NBEA: variants seen among roughly 807,000 people sequenced by gnomAD.
NBEA encodes the protein neurobeachin.
In NBEA, 44 loss-of-function variants were observed where a neutral mutation model predicts 343.4. That is an observed-to-expected ratio of 0.13 (90% CI 0.10 to 0.16). The LOEUF is 0.16. Among genes scored for constraint, NBEA ranks in the 10% least tolerant of loss-of-function variants. The pLI is 1.00. For missense variants in NBEA, 2,555 were observed against 3,631.3 expected (o/e 0.70, Z 7.62); for synonymous variants, 1,175 against 1,238.7 (o/e 0.95, Z 1.08).
chr13:35,544,120 C>G (rs1405124105), intron 41 of NBEA, among the ~76,000 whole-genome samples: 1 of 152,144 alleles, frequency 6.6e-6, no homozygotes, highest in Non-Finnish European at 1.5e-5. Flanking sequence ...GGATTTGTAA[C>G]TTTAAATTGC....
intron 1 of NBEA, among the ~76,000 whole-genome samples, chr13:34,965,519 G>A (rs1158678880): frequency 6.6e-6 from 1 of 151,872 alleles, no homozygotes; most frequent in Non-Finnish European, 1.5e-5. Flanking sequence ...GTGGAGTGAG[G>A]GCATTCCAGA....
chr13:35,079,245 G>A (rs2064262918), intron 10 of NBEA, among the ~76,000 whole-genome samples: 1 of 152,016 alleles, frequency 6.6e-6, no homozygotes, highest in African/African-American at 2.4e-5. Context: ...AACAAAGAAT[G>A]TTTTTCTAAT....
chr13:35,480,510 A>G (rs1395800401), intron 41 of NBEA, among the ~76,000 whole-genome samples: 1 of 152,082 alleles, frequency 6.6e-6, no homozygotes, highest in Non-Finnish European at 1.5e-5. Context: ...GCTAGCTGCT[A>G]GTCTATTCAC....
intron 36 of NBEA, among the ~76,000 whole-genome samples, chr13:35,334,492 A>G (rs1423837894): frequency 2.0e-5 from 3 of 151,992 alleles, no homozygotes; most frequent in Non-Finnish European, 4.4e-5. Context: ...CTAGTCTCGA[A>G]CTCCTGACCT....
intron 41 of NBEA, among the ~76,000 whole-genome samples, chr13:35,546,573 G>C (rs1296556329): frequency 6.7e-6 from 1 of 148,212 alleles, no homozygotes; most frequent in African/African-American, 2.5e-5. Flanking sequence ...TTTTTTTTGA[G>C]ACGGAATCTT....
At chr13:35,349,875 A>G (rs957356353) in intron 37 of NBEA, among the ~76,000 whole-genome samples, 1 of 152,108 alleles carries the variant, frequency 6.6e-6, no homozygotes, top group African/African-American at 2.4e-5. Flanking sequence ...GACTAGGTCT[A>G]GTGATCTCTG....
In NBEA at chr13:35,196,274, C is replaced by T. The variant is rs780695198; in HGVS notation, c.5338C>T (p.Leu1780Phe). 6.2e-7 allele frequency: 1 copy of T among 1,613,178 alleles called. No homozygotes were observed. Among genetic ancestry groups the T allele is most frequent in the South Asian group, 1.1e-5 (1 of 91,024 alleles). The change falls in exon 31 of 59, where the codon CTT (leucine) becomes TTT (phenylalanine). Residue 1780 changes from leucine (L) to phenylalanine (F), a missense_variant. Leu to Phe is a conservative substitution (Grantham distance 22). Transcript: ENST00000379939. Reference protein sequence around the residue: ...PALKRETQAILPMQFHSFDRS... With the variant: ...PALKRETQAIFPMQFHSFDRS... ...ATTGAAGAGAGAAACACAAGCTATT[C>T]TTCCTATGCAGTTTCATTCCTTTGA... is the stretch of plus-strand genomic sequence containing the variant.
chr13:35,665,908 G>T (rs1481935881), intron 56 of NBEA, among the ~76,000 whole-genome samples: 1 of 152,196 alleles, frequency 6.6e-6, no homozygotes, highest in Non-Finnish European at 1.5e-5. Context: ...GATTACAGGC[G>T]TGAGCCACCA....
At chr13:35,438,727 C>A (rs1426074241) in intron 39 of NBEA, among the ~76,000 whole-genome samples, 1 of 152,142 alleles carries the variant, frequency 6.6e-6, no homozygotes, top group East Asian at 1.9e-4. Flanking sequence ...CAGGAAGTGT[C>A]TGTCAGCTCT....
At chr13:35,011,820 T>C (rs989393162) in intron 1 of NBEA, among the ~76,000 whole-genome samples, 2 of 152,362 alleles carry the variant, frequency 1.3e-5, no homozygotes, top group Non-Finnish European at 2.9e-5. Flanking sequence ...AGGTGTGCTA[T>C]TGCAGTTGTA....
intron 10 of NBEA, among the ~76,000 whole-genome samples, chr13:35,080,399 T>TA (rs965789493): frequency 6.6e-6 from 1 of 152,146 alleles, no homozygotes; most frequent in Admixed American, 6.6e-5. Context: ...AGTGGGGTCT[T>TA]ACGTATCTGA....
chr13:35,165,094 G>A (rs747006130), intron 24 of NBEA: 7 of 533,816 alleles, frequency 1.3e-5, no homozygotes, highest in Admixed American at 1.2e-4. Context: ...TATTACCCAC[G>A]TTCTTGTTGC....
chr13:35,478,922 G>C (rs1260556528), intron 41 of NBEA, among the ~76,000 whole-genome samples: 1 of 152,258 alleles, frequency 6.6e-6, no homozygotes, highest in Non-Finnish European at 1.5e-5. Flanking sequence ...GAAGGACGCG[G>C]GCCTGCGAGG....
intron 38 of NBEA, among the ~76,000 whole-genome samples, chr13:35,423,876 A>G (rs2044467726): frequency 6.6e-6 from 1 of 152,056 alleles, no homozygotes; most frequent in Non-Finnish European, 1.5e-5. Context: ...ATCCGTTGTA[A>G]GTTGGATTCC....
chr13:35,506,921 T>C (rs2077092448), intron 41 of NBEA, among the ~76,000 whole-genome samples: 1 of 152,160 alleles, frequency 6.6e-6, no homozygotes, highest in Non-Finnish European at 1.5e-5. Context: ...TATCCATCCA[T>C]TTTGAATGTT....
chr13:34,969,848 A>G (rs780381663), intron 1 of NBEA, among the ~76,000 whole-genome samples: 2 of 152,040 alleles, frequency 1.3e-5, no homozygotes, highest in Non-Finnish European at 2.9e-5. Flanking sequence ...ATAGTGCTGC[A>G]GTGAACATAT....
chr13:35,332,845 A>G (rs1222538596), intron 36 of NBEA, among the ~76,000 whole-genome samples: 2 of 152,150 alleles, frequency 1.3e-5, no homozygotes, highest in Non-Finnish European at 2.9e-5. Context: ...TTCTACATAG[A>G]GTACACTCAT....
intron 1 of NBEA, among the ~76,000 whole-genome samples, chr13:35,002,558 A>G (rs1437340463): frequency 6.6e-6 from 1 of 152,236 alleles, no homozygotes; most frequent in African/African-American, 2.4e-5. Context: ...TCATTTAAAC[A>G]TATGCATTAG....
chr13:34,979,861 G>T (rs568595511), intron 1 of NBEA, among the ~76,000 whole-genome samples: 1 of 152,190 alleles, frequency 6.6e-6, no homozygotes, highest in African/African-American at 2.4e-5. Flanking sequence ...TCTCATGTCT[G>T]TTATCTATAT....
Sources: gnomAD v4.1 joint callset for allele counts (sites outside exome capture counted in the v4.1 genomes callset) on GRCh38, gnomAD v4.1.1 for gene constraint, MANE v1.5 for transcripts, NCBI Gene and HGNC (gene_info 2026-07-23, HGNC 2026-07-21) for gene names.